The following RECQL5 variants were observed in gnomAD, a reference collection of about 807,000 sequenced individuals.
The protein encoded by RECQL5 is RecQ like helicase 5, also known as ATP-dependent DNA helicase Q5.
Under a neutral mutation model 103.4 loss-of-function variants are expected in RECQL5, and 88 were observed. The ratio of observed to expected loss-of-function variants is 0.85; its 90% CI spans 0.72 to 1.02. The LOEUF is 1.02. RECQL5 is among the 50% of genes least tolerant of loss of function. The pLI, the probability that RECQL5 is intolerant of heterozygous loss-of-function variation, is 0.00. For synonymous variants in RECQL5, 552 were observed against 507.9 expected, an observed-to-expected ratio of 1.09 and a Z score of -1.17; for missense variants, 1,232 against 1,284.3, an observed-to-expected ratio of 0.96 and a Z score of 0.62.
At position 75,626,911 on chromosome 17, in the gene RECQL5, G is replaced by A; in HGVS notation, c.*511C>T. On this transcript the variant is annotated 3_prime_UTR_variant, in exon 20 of 20. Transcript: ENST00000317905. The stretch of plus-strand genomic sequence containing the variant: ...AACTTTATTCCTCTCCCAAACATCT[G>A]TCAGGCCTGGCCTTCCTGAGCAGGA... 1 of 352,276 alleles carries A rather than the reference G, an allele frequency of 2.8e-6. No individual in the cohort carries two copies. The highest frequency in any genetic ancestry group is 5.5e-6 in the Non-Finnish European group (1 of 181,684). 21.8% of individuals were successfully genotyped at this position (352,276 alleles called of 1,614,324 possible).
intron 8 of RECQL5, among the ~76,000 whole-genome samples, chr17:75,633,170 G>A (rs1731627677): frequency 1.3e-5 from 2 of 152,380 alleles, no homozygotes; most frequent in Middle Eastern, 6.8e-3. Context: ...CCGTGCGCCC[G>A]CACAGCGGCC....
chr17:75,650,241 G>A (rs1213642018), intron 8 of RECQL5: 14 of 993,304 alleles, frequency 1.4e-5, no homozygotes, highest in Non-Finnish European at 1.7e-5. Context: ...GCTGGGCGTG[G>A]TCTTGCCACA....
In RECQL5 at chr17:75,640,418, C is replaced by T. The variant is rs568850265; in HGVS notation, c.1230-8750G>A. Reference sequence around the variant, plus strand: ...CCAGCCAGAGGGCTGGCAGAGGTGGCGGGTGTCTGCCGGATCAAGGAGGAA... The same window carrying T: ...CCAGCCAGAGGGCTGGCAGAGGTGGTGGGTGTCTGCCGGATCAAGGAGGAA... On this transcript the variant is annotated intron_variant, in intron 8 of 19. Transcript: ENST00000317905. The surrounding 1 kb of genome is among the most constrained non-coding windows in gnomAD (Gnocchi z 4.6). 1,154 of 1,443,416 alleles carry T rather than the reference C, an allele frequency of 8.0e-4. 4 individuals are homozygous for T. In the Middle Eastern group the frequency reaches 8.4e-3, roughly 10 times the overall value. The allele number at this position is 1,443,416 out of a possible 1,614,324, so 89.4% of individuals were successfully genotyped here.
intron 8 of RECQL5, chr17:75,650,539 T>C: frequency 8.0e-6 from 12 of 1,500,272 alleles, no homozygotes; most frequent in Non-Finnish European, 1.1e-5. Flanking sequence ...AGCAATCACG[T>C]CAGCGTCATC....
Position 75,661,092 on chromosome 17 carries a change from G to T in RECQL5, c.875-26C>A, listed in dbSNP as rs1295309489. ...CTGTAAAGGAGGGGAAGATGGAGAA[G>T]GGAACTCACATTTCCCTTGGGTTTA... is the stretch of plus-strand genomic sequence containing the variant. On this transcript the variant is annotated intron_variant, in intron 5 of 19. Transcript: ENST00000317905. 9 of 1,579,136 alleles carry T rather than the reference G, an allele frequency of 5.7e-6. No individual in the cohort carries two copies. In the Middle Eastern group the frequency reaches 1.2e-3, roughly 204 times the overall value.
chr17:75,647,179 G>A (rs957259524), intron 8 of RECQL5, among the ~76,000 whole-genome samples: 2 of 152,210 alleles, frequency 1.3e-5, no homozygotes, highest in East Asian at 1.9e-4. Flanking sequence ...CTAGAGCGGG[G>A]GAAATGCCAT....
chr17:75,629,365 C>T lies in RECQL5; in HGVS notation c.2058G>A (p.Glu686=). ...TCGGGGGCTCGTGCTCGCCTCCCCG[C>T]TCGGGCTGGGGGGCTTGCTCCCTGA... The part of the protein sequence containing the change: ...TRIREQAPQP[E]RGGEHEPPSR... Residue 686 remains glutamate, a synonymous_variant, in exon 16 of 20, where the codon GAG becomes GAA. Coordinates refer to ENST00000317905, the MANE Select transcript of RECQL5 (RefSeq NM_004259.7). 1 of 1,513,060 alleles carries T rather than the reference C, an allele frequency of 6.6e-7. No individual in the cohort carries two copies. Among genetic ancestry groups the T allele is most frequent in the East Asian group, 2.3e-5 (1 of 43,742 alleles). 93.7% of individuals were successfully genotyped at this position (1,513,060 alleles called of 1,614,324 possible).
chr17:75,664,599 G>A (rs982714682), intron 3 of RECQL5, among the ~76,000 whole-genome samples: 10 of 152,166 alleles, frequency 6.6e-5, no homozygotes, highest in Admixed American at 6.6e-4. Context: ...TATAGCGAAT[G>A]AGATAGGCAA....
At chr17:75,631,786 GCCCCA>G in intron 8 of RECQL5, 118 bp from the exon 9 acceptor site, 1 of 1,022,746 alleles carries the variant, frequency 9.8e-7, no homozygotes, top group Non-Finnish European at 1.4e-6. Context: ...CATGCCGGGA[GCCCCA>G]CACCCCTCAT....
At chr17:75,663,894 A>G (rs989848435) in intron 3 of RECQL5, among the ~76,000 whole-genome samples, 1 of 151,998 alleles carries the variant, frequency 6.6e-6, no homozygotes, top group African/African-American at 2.4e-5. Context: ...GTCTCTACTA[A>G]AAATACAAAA....
chr17:75,629,635 G>C, intron 15 of RECQL5, 73 bp downstream of exon 15: 1 of 1,528,440 alleles, frequency 6.5e-7, no homozygotes, highest in Non-Finnish European at 8.8e-7. Flanking sequence ...GGCAAGAGGT[G>C]CACCCCTGAG....
chr17:75,647,800 G>A, intron 8 of RECQL5: 1 of 487,546 alleles, frequency 2.1e-6, no homozygotes. Flanking sequence ...TGTTTTTAGG[G>A]TTCCCCGACC....
chr17:75,630,759 A>C lies in RECQL5; in HGVS notation c.1644+20T>G, dbSNP rs770806726. On this transcript the variant is annotated intron_variant, in intron 12 of 19. Transcript: ENST00000317905. ...GGGGGAGGGCCCCGGCGGGTGGCTG[A>C]GGAGCTGCCCGTCTCTTACCTTCAC... The C allele has an allele frequency of 6.4e-7, 1 of 1,563,100 alleles. No individual in the cohort carries two copies. The highest frequency in any genetic ancestry group is 2.4e-5 in the East Asian group (1 of 41,972).
chr17:75,633,486 G>A (rs939990431), intron 8 of RECQL5: 102 of 1,288,898 alleles, frequency 7.9e-5, no homozygotes, highest in Middle Eastern at 2.1e-4. Context: ...GCGCCTTGCC[G>A]GGCGCGCAGG....
chr17:75,660,638 T>A (rs1265322125), intron 6 of RECQL5, among the ~76,000 whole-genome samples: 2 of 152,230 alleles, frequency 1.3e-5, no homozygotes, highest in African/African-American at 2.4e-5. Flanking sequence ...TGCATGACTA[T>A]AGTTCCTTTA....
chr17:75,640,898 C>G lies in RECQL5; in HGVS notation c.1230-9230G>C. 1 of 1,543,368 alleles carries G rather than the reference C, an allele frequency of 6.5e-7. No homozygotes were observed. The highest frequency in any genetic ancestry group is 1.4e-5 in the African/African-American group (1 of 73,160). ...CCAGGTGCAGCCGACACCACCATGACGGACGGGCGATGGCTGAGGAGAAGC... is the reference window on the plus strand; with the variant it reads ...CCAGGTGCAGCCGACACCACCATGAGGGACGGGCGATGGCTGAGGAGAAGC... On this transcript the variant is annotated intron_variant, in intron 8 of 19. Coordinates refer to ENST00000317905, the MANE Select transcript of RECQL5 (RefSeq NM_004259.7). The surrounding 1 kb of genome is among the most constrained non-coding windows in gnomAD (Gnocchi z 4.6).
chr17:75,654,286 G>A (rs1308934432), intron 7 of RECQL5, among the ~76,000 whole-genome samples: 2 of 152,040 alleles, frequency 1.3e-5, no homozygotes, highest in African/African-American at 4.8e-5. Context: ...AATTCATTTC[G>A]ATAGGAGCCA....
chr17:75,630,735 G>C lies in RECQL5; in HGVS notation c.1645-43C>G, dbSNP rs186501845. Reference sequence around the variant, plus strand: ...GACTGGTCGCATGGCCTCGCGGCTGGGGGAGGGCCCCGGCGGGTGGCTGAG... The same window carrying C: ...GACTGGTCGCATGGCCTCGCGGCTGCGGGAGGGCCCCGGCGGGTGGCTGAG... On this transcript the variant is annotated intron_variant, in intron 12 of 19. Coordinates refer to ENST00000317905, the MANE Select transcript of RECQL5 (RefSeq NM_004259.7). 4 of 1,605,194 alleles carry C rather than the reference G, an allele frequency of 2.5e-6. No individual in the cohort carries two copies. In the African/African-American group the frequency reaches 4.0e-5, roughly 16 times the overall value.
chr17:75,631,125 C>T, intron 10 of RECQL5, 25 bp downstream of exon 10: 3 of 1,612,092 alleles, frequency 1.9e-6, no homozygotes, highest in Non-Finnish European at 2.5e-6. Flanking sequence ...GGGCCCCACA[C>T]AGGCCACTGA....
Sources: gnomAD v4.1 joint callset for allele counts (sites outside exome capture counted in the v4.1 genomes callset) on GRCh38, gnomAD v4.1.1 for gene constraint, Gnocchi (gnomAD v3.1) non-coding constraint, MANE v1.5 for transcripts, NCBI Gene and HGNC (gene_info 2026-07-23, HGNC 2026-07-21) for gene names.